The following EXT1 variants were observed in gnomAD, a reference collection of about 807,000 sequenced individuals.
EXT1 encodes the protein exostosin glycosyltransferase 1, also known as exostosin-1.
A neutral mutation model predicts 82.5 loss-of-function variants in EXT1; 20 were observed. The ratio of observed to expected loss-of-function variants is 0.24; its 90% confidence interval spans 0.17 to 0.35. EXT1 has a LOEUF of 0.35. Ranked by LOEUF, EXT1 falls within the 10% of genes least tolerant of loss-of-function variation. The pLI, the probability that EXT1 is intolerant of heterozygous loss-of-function variation, is 1.00. For synonymous variants in EXT1, 348 were observed against 350.8 expected (o/e 0.99, Z 0.09); for missense variants, 757 against 936.5 (o/e 0.81, Z 2.50).
intron 1 of EXT1, among the ~76,000 whole-genome samples, chr8:117,980,009 A>G (rs751237177): frequency 2.6e-5 from 4 of 152,192 alleles, no homozygotes; most frequent in Non-Finnish European, 5.9e-5. Flanking sequence ...GCAAAGCTAT[A>G]ATGAAGAGAT....
intron 1 of EXT1, among the ~76,000 whole-genome samples, chr8:118,104,114 G>A (rs951792401): frequency 6.6e-5 from 10 of 152,170 alleles, no homozygotes; most frequent in Non-Finnish European, 1.2e-4. Flanking sequence ...TTACTTTACT[G>A]TCTCAGGGGC....
At chr8:117,844,137 CTATTATTATTATTATTAT>C (rs61042253) in intron 1 of EXT1, among the ~76,000 whole-genome samples, 1 of 142,532 alleles carries the variant, frequency 7.0e-6, no homozygotes, top group Non-Finnish European at 1.5e-5. Flanking sequence ...ATTTCAATTA[CTATTATTATTATTATTAT>C]TATTATTATT....
At chr8:117,857,289 C>T (rs898636901) in intron 1 of EXT1, among the ~76,000 whole-genome samples, 1 of 152,160 alleles carries the variant, frequency 6.6e-6, no homozygotes, top group African/African-American at 2.4e-5. Flanking sequence ...GGCACAGTGG[C>T]TCATGCCTGT....
intron 1 of EXT1, among the ~76,000 whole-genome samples, chr8:118,007,948 G>A (rs925106078): frequency 6.6e-6 from 1 of 152,150 alleles, no homozygotes; most frequent in Non-Finnish European, 1.5e-5. Flanking sequence ...GCACGCAGGT[G>A]GAAGGGAGAC....
At chr8:117,988,773 T>TG (rs2129783032) in intron 1 of EXT1, among the ~76,000 whole-genome samples, 1 of 152,264 alleles carries the variant, frequency 6.6e-6, no homozygotes, top group East Asian at 1.9e-4. Context: ...TGCCTGGTAA[T>TG]GCCAAACACT....
At chr8:117,884,662 A>G (rs1368518557) in intron 1 of EXT1, among the ~76,000 whole-genome samples, 1 of 151,926 alleles carries the variant, frequency 6.6e-6, no homozygotes, top group African/African-American at 2.4e-5. Context: ...ATTCTCTTCT[A>G]TTCTGTTCAT....
At chr8:118,074,700 C>CT (rs1817174118) in intron 1 of EXT1, among the ~76,000 whole-genome samples, 1 of 152,098 alleles carries the variant, frequency 6.6e-6, no homozygotes, top group East Asian at 1.9e-4. Context: ...AAAGGGAGAG[C>CT]TGGGGGCTGG....
chr8:117,813,739 C>T (rs941379221), intron 7 of EXT1, among the ~76,000 whole-genome samples: 1 of 152,124 alleles, frequency 6.6e-6, no homozygotes, highest in African/African-American at 2.4e-5. Context: ...GGCGTGGTGG[C>T]TCATGACTGT....
At chr8:118,086,708 A>G (rs1817425378) in intron 1 of EXT1, among the ~76,000 whole-genome samples, 1 of 152,224 alleles carries the variant, frequency 6.6e-6, no homozygotes, top group African/African-American at 2.4e-5. Context: ...ATGTTTCAGT[A>G]TAATTTCAAT....
At chr8:117,931,958 C>T (rs1432480303) in intron 1 of EXT1, among the ~76,000 whole-genome samples, 1 of 152,118 alleles carries the variant, frequency 6.6e-6, no homozygotes, top group Non-Finnish European at 1.5e-5. Flanking sequence ...GAAGAAAATG[C>T]CCACGCGGAA....
intron 1 of EXT1, among the ~76,000 whole-genome samples, chr8:118,022,018 A>G (rs2129859025): frequency 6.6e-6 from 1 of 152,222 alleles, no homozygotes; most frequent in South Asian, 2.1e-4. Context: ...TATCCTATTA[A>G]TCATTTCTGT....
chr8:117,826,322 A>T (rs1812007690), intron 4 of EXT1, among the ~76,000 whole-genome samples: 1 of 152,194 alleles, frequency 6.6e-6, no homozygotes, highest in Non-Finnish European at 1.5e-5. Flanking sequence ...TGAAGACCCC[A>T]TAATCCCATT....
chr8:118,098,937 G>A (rs1015280464), intron 1 of EXT1, among the ~76,000 whole-genome samples: 4 of 152,086 alleles, frequency 2.6e-5, no homozygotes, highest in African/African-American at 9.7e-5. Flanking sequence ...TGGAGCCTTG[G>A]CGGAAATTGC....
At position 118,024,285 on chromosome 8, in the gene EXT1, T is replaced by C. The variant is rs190264909; in HGVS notation, c.962+85800A>G. ...CTAGAATAACTGACTTCTTAGAAAA[T>C]GGTTAGAAACAACAAAAAGAAAATA... On this transcript the variant is annotated intron_variant, in intron 1 of 10. Transcript: ENST00000378204. 1.5e-4 allele frequency among the ~76,000 whole-genome samples: 23 copies of C among 152,256 alleles called. No homozygotes were observed. The East Asian group carries it at 3.5e-3, about 23-fold the overall frequency.
chr8:117,898,015 T>C (rs1008408755), intron 1 of EXT1, among the ~76,000 whole-genome samples: 5 of 152,236 alleles, frequency 3.3e-5, no homozygotes, highest in African/African-American at 1.2e-4. Context: ...TAAGTGATTA[T>C]TGTCCTTGTT....
chr8:117,994,563 A>G (rs1309972431), intron 1 of EXT1, among the ~76,000 whole-genome samples: 2 of 152,176 alleles, frequency 1.3e-5, no homozygotes, highest in African/African-American at 4.8e-5. Flanking sequence ...ATGAGCCATG[A>G]TCATGCCACT....
chr8:117,903,980 C>T (rs918113244), intron 1 of EXT1, among the ~76,000 whole-genome samples: 1 of 152,216 alleles, frequency 6.6e-6, no homozygotes. Flanking sequence ...ACACGCGTTA[C>T]TCAAGAGACA....
chr8:118,102,877 G>C (rs138523040), intron 1 of EXT1, among the ~76,000 whole-genome samples: 13 of 152,094 alleles, frequency 8.5e-5, no homozygotes, highest in Admixed American at 2.0e-4. Context: ...AAGGTCGGCC[G>C]GGCTTGGTGG....
At chr8:117,912,150 A>G (rs1265631743) in intron 1 of EXT1, among the ~76,000 whole-genome samples, 7 of 152,222 alleles carry the variant, frequency 4.6e-5, no homozygotes, top group Admixed American at 6.5e-5. Flanking sequence ...AAATGGCACC[A>G]TATTGCAAGA....
Sources: allele counts gnomAD v4.1 joint callset (sites outside exome capture counted in the v4.1 genomes callset), GRCh38; gene constraint gnomAD v4.1.1; transcripts MANE v1.5; gene names NCBI Gene and HGNC (gene_info 2026-07-23, HGNC 2026-07-21).